Variants in STAG1 observed in about 807,000 individuals in gnomAD.
STAG1 encodes the protein cohesin subunit SA-1.
Under a neutral mutation model 170.9 loss-of-function variants are expected in STAG1, and 26 were observed. That is an observed-to-expected ratio of 0.15 (90% confidence interval 0.11 to 0.21). The LOEUF (loss-of-function observed/expected upper bound fraction) is 0.21. STAG1 is among the 10% of genes least tolerant of loss of function. The pLI, the probability that STAG1 is intolerant of heterozygous loss-of-function variation, is 1.00. For synonymous variants in STAG1, 514 were observed against 497.7 expected, an observed-to-expected ratio of 1.03 and a Z score of -0.44; for missense variants, 964 against 1,509.5, an observed-to-expected ratio of 0.64 and a Z score of 5.99.
intron 1 of STAG1, among the ~76,000 whole-genome samples, chr3:136,651,539 A>T (rs1264059437): frequency 6.6e-6 from 1 of 152,160 alleles, no homozygotes; most frequent in African/African-American, 2.4e-5. Context: ...ATATTTTTGT[A>T]GTAAAATTTT....
chr3:136,377,386 C>CAAAAAAA lies in STAG1; in HGVS notation c.2370+267_2370+273dup, dbSNP rs57934830. 2.1e-4 allele frequency among the ~76,000 whole-genome samples: 9 copies of CAAAAAAA among 42,572 alleles called. 3 individuals are homozygous for CAAAAAAA. Among genetic ancestry groups the CAAAAAAA allele is most frequent in the African/African-American group, 4.9e-4 (4 of 8,126 alleles). The allele number at this position is 42,572 out of a possible 152,430, so 27.9% of individuals were successfully genotyped here. On this transcript the variant is annotated intron_variant, in intron 23 of 33. Coordinates refer to ENST00000383202, the MANE Select transcript of STAG1 (RefSeq NM_005862.3). The stretch of plus-strand genomic sequence containing the variant: ...TGGGCGACAGAGCGAGACTCTGTCT[C>CAAAAAAA]AAAAAAAAAAAAAAAAAAAGTCTAC...
Position 136,658,393 on chromosome 3 carries a change from T to TA in STAG1, c.-83-27413dup, listed in dbSNP as rs141204577. Among the ~76,000 whole-genome samples the TA allele has an allele frequency of 5.7e-4, 84 of 148,664 alleles. 1 individual carries two copies. Among genetic ancestry groups the TA allele is most frequent in the South Asian group, 1.3e-3 (6 of 4,684 alleles). On this transcript the variant is annotated intron_variant, in intron 1 of 33. Coordinates refer to ENST00000383202, the MANE Select transcript of STAG1 (RefSeq NM_005862.3). Reference sequence around the variant, plus strand: ...CTGAGTGTTACTTGAATAGGAAATTTAAAAAAAAAAATCAAAGGTAATTTA... The same window carrying TA: ...CTGAGTGTTACTTGAATAGGAAATTTAAAAAAAAAAAATCAAAGGTAATTTA...
chr3:136,406,182 C>T (rs899436009), intron 21 of STAG1, among the ~76,000 whole-genome samples: 1 of 152,122 alleles, frequency 6.6e-6, no homozygotes, highest in Non-Finnish European at 1.5e-5. Flanking sequence ...CTGAAGTATC[C>T]ACACAGTGGA....
chr3:136,376,595 T>C (rs1937617496), intron 23 of STAG1, among the ~76,000 whole-genome samples: 1 of 152,136 alleles, frequency 6.6e-6, no homozygotes, highest in Non-Finnish European at 1.5e-5. Flanking sequence ...CCAATGTACA[T>C]ATTACTAGGC....
At chr3:136,605,276 C>G (rs1239137275) in intron 3 of STAG1, among the ~76,000 whole-genome samples, 1 of 152,142 alleles carries the variant, frequency 6.6e-6, no homozygotes, top group East Asian at 1.9e-4. Context: ...ATACCATCCC[C>G]TCCCCCCAAC....
chr3:136,733,242 G>C lies in STAG1; in HGVS notation c.-84+18953C>G, dbSNP rs1348983350. ...TGGGACTACAGATGCGAGCCACCAT[G>C]CCTGGCTAATTTTTGTATTTTTTTG... On this transcript the variant is annotated intron_variant, in intron 1 of 33. Transcript: ENST00000383202. Among the ~76,000 whole-genome samples, 5 of 151,962 alleles carry C rather than the reference G, an allele frequency of 3.3e-5. No individual in the cohort carries two copies. The South Asian group carries it at 1.0e-3, about 32-fold the overall frequency.
At chr3:136,487,109 G>T (rs576225823) in intron 9 of STAG1, among the ~76,000 whole-genome samples, 3 of 148,000 alleles carry the variant, frequency 2.0e-5, no homozygotes, top group Non-Finnish European at 4.4e-5. Context: ...CTATTGACCC[G>T]TCCTCTAAGT....
At chr3:136,585,593 AAATAATAAT>A (rs562758896) in intron 4 of STAG1, among the ~76,000 whole-genome samples, 88 of 150,776 alleles carry the variant, frequency 5.8e-4, no homozygotes, top group Non-Finnish European at 1.1e-3. Flanking sequence ...TGAGACTCAA[AAATAATAAT>A]AATAATAATA....
intron 9 of STAG1, 47 bp from the exon 10 acceptor site, chr3:136,477,459 G>A (rs750241361): frequency 1.3e-6 from 2 of 1,510,264 alleles, no homozygotes; most frequent in African/African-American, 2.8e-5. Context: ...TACAAAGCTA[G>A]AATGCATTCA....
intron 1 of STAG1, among the ~76,000 whole-genome samples, chr3:136,735,354 G>A (rs1023435505): frequency 4.6e-5 from 7 of 152,064 alleles, no homozygotes; most frequent in African/African-American, 1.4e-4. Context: ...TCAAACTCAT[G>A]AGCCCAAGCA....
At chr3:136,453,754 TA>T (rs554629186) in intron 13 of STAG1, among the ~76,000 whole-genome samples, 172 of 130,864 alleles carry the variant, frequency 1.3e-3, no homozygotes, top group African/African-American at 3.1e-3. Context: ...TAAAGAAAAG[TA>T]AAAAAAAAAA....
Position 136,443,307 on chromosome 3 carries a change from T to G in STAG1, c.1526A>C (p.Glu509Ala). ...TATACCTTCCTCTCCTTGAACAGGT[T>G]CTTCTAATAGCAACTCTGTCATACA... ...WECMTELLLE[E>A]PVQGEEAMSD... The change falls in exon 15 of 34, where the codon GAA becomes GCA. Residue 509 changes from glutamate (E) to alanine (A), a missense_variant. Coordinates refer to ENST00000383202, the MANE Select transcript of STAG1 (RefSeq NM_005862.3). 1 of 1,612,878 alleles carries G rather than the reference T, an allele frequency of 6.2e-7. No individual in the cohort carries two copies. The highest frequency in any genetic ancestry group is 8.5e-7 in the Non-Finnish European group (1 of 1,179,212).
rs186722696 is a variant in STAG1 at position 136,477,960 on chromosome 3, T to C, written c.903-548A>G. 3.5e-4 allele frequency among the ~76,000 whole-genome samples: 54 copies of C among 152,144 alleles called. No individual in the cohort carries two copies. In the East Asian group the frequency reaches 0.01, roughly 28 times the overall value. ...GCAAGCCACCACACCTGAGTAATTT[T>C]TGTATTTTTAGTAGAGATGGGGTTT... On this transcript the variant is annotated intron_variant, in intron 9 of 33. Transcript: ENST00000383202.
At chr3:136,396,595 T>C (rs1005594032) in intron 22 of STAG1, among the ~76,000 whole-genome samples, 28 of 136,938 alleles carry the variant, frequency 2.0e-4, no homozygotes, top group African/African-American at 6.4e-4. Context: ...TGGCATGATC[T>C]TGGCTCACTG....
chr3:136,402,749 C>T (rs1402145842), intron 21 of STAG1, among the ~76,000 whole-genome samples: 1 of 151,452 alleles, frequency 6.6e-6, no homozygotes, highest in Non-Finnish European at 1.5e-5. Context: ...ATCACTTTAA[C>T]CCAGGAGGAG....
intron 1 of STAG1, among the ~76,000 whole-genome samples, chr3:136,644,279 A>C (rs1559927238): frequency 6.6e-6 from 1 of 152,244 alleles, no homozygotes; most frequent in Non-Finnish European, 1.5e-5. Flanking sequence ...AAGGTTTTTC[A>C]GAATCCCACA....
At chr3:136,365,250 T>C (rs1187067720) in intron 25 of STAG1, among the ~76,000 whole-genome samples, 1 of 151,996 alleles carries the variant, frequency 6.6e-6, no homozygotes, top group South Asian at 2.1e-4. Flanking sequence ...GAAAACTATA[T>C]AAAAAGGGTA....
At chr3:136,431,991 T>G (rs1394730053) in intron 16 of STAG1, among the ~76,000 whole-genome samples, 1 of 152,218 alleles carries the variant, frequency 6.6e-6, no homozygotes, top group Non-Finnish European at 1.5e-5. Context: ...TCTTCAAATA[T>G]TTTTTCTGCC....
intron 31 of STAG1, 95 bp downstream of exon 31, chr3:136,341,346 C>T (rs1212309328): frequency 8.6e-6 from 7 of 809,280 alleles, no homozygotes. Flanking sequence ...AATTTTAACT[C>T]CTAAGACCAA....
Sources: allele counts gnomAD v4.1 joint callset (sites outside exome capture counted in the v4.1 genomes callset), GRCh38; gene constraint gnomAD v4.1.1; transcripts MANE v1.5; gene names NCBI Gene and HGNC (gene_info 2026-07-23, HGNC 2026-07-21).